RAP2B: variants seen among roughly 807,000 people sequenced by gnomAD.
RAP2B encodes the protein RAP2B, member of RAS oncogene family, also known as ras-related protein Rap-2b.
Under a neutral mutation model 14.4 loss-of-function variants are expected in RAP2B, and 6 were observed. The ratio of observed to expected loss-of-function variants is 0.42; its 90% CI spans 0.23 to 0.82. RAP2B has a LOEUF of 0.82. Among genes scored for constraint, RAP2B ranks in the 40% least tolerant of loss-of-function variants. The probability of loss-of-function intolerance (pLI) is 0.30; values close to 1 mark genes in which losing one functional copy is unlikely to be tolerated. For missense variants in RAP2B, 137 were observed against 248.2 expected, an observed-to-expected ratio of 0.55 and a Z score of 3.01; for synonymous variants, 118 against 113.2, an observed-to-expected ratio of 1.04 and a Z score of -0.27.
In RAP2B at chr3:153,170,531, T is replaced by C. The variant is rs543359369; in HGVS notation, c.*7286T>C. On this transcript the variant is annotated 3_prime_UTR_variant, in exon 1 of 1. Transcript: ENST00000323534. ...GTCATCAGTTATAATACTGTGGGGC[T>C]GTTTGGCAGACAATAGAGTAGATAA... 2 of 152,216 alleles carry C rather than the reference T, an allele frequency of 1.3e-5. No homozygotes were observed. The highest frequency in any genetic ancestry group is 2.9e-5 in the Non-Finnish European group (2 of 68,034). 9.4% of individuals were successfully genotyped at this position (152,216 alleles called of 1,614,324 possible).
At position 153,162,680 on chromosome 3, in the gene RAP2B, G is replaced by T. The variant is rs747328533; in HGVS notation, c.-14G>T. 2.5e-6 allele frequency: 4 copies of T among 1,582,920 alleles called. No homozygotes were observed. The highest frequency in any genetic ancestry group is 1.7e-6 in the Non-Finnish European group (2 of 1,162,236). ...CGGGGCCGCGGCAGGCGCGGCGAGA[G>T]CGCTGACGGAGCCATGAGAGAGTAC... On this transcript the variant is annotated 5_prime_UTR_variant, in exon 1 of 1. Coordinates refer to ENST00000323534, the MANE Select transcript of RAP2B (RefSeq NM_002886.4). The surrounding 1 kb of genome is among the most constrained non-coding windows in gnomAD (Gnocchi z 4.9).
Position 153,169,245 on chromosome 3 carries a change from C to G in RAP2B, c.*6000C>G, listed in dbSNP as rs538720735. The G allele has an allele frequency of 3.3e-5, 5 of 151,384 alleles. No homozygotes were observed. The highest frequency in any genetic ancestry group is 1.2e-4 in the African/African-American group (5 of 41,142). 9.4% of individuals were successfully genotyped at this position (151,384 alleles called of 1,614,324 possible). ...CGATCTCGGCTCACTGCAACTTCCG[C>G]TTCCTGGGTTCAAGCAATTCTCCTG... On this transcript the variant is annotated 3_prime_UTR_variant, in exon 1 of 1. Coordinates refer to ENST00000323534, the MANE Select transcript of RAP2B (RefSeq NM_002886.4).
chr3:153,162,662 G>C lies in RAP2B; in HGVS notation c.-32G>C. 6.4e-7 allele frequency: 1 copy of C among 1,562,700 alleles called. No homozygotes were observed. The highest frequency in any genetic ancestry group is 8.7e-7 in the Non-Finnish European group (1 of 1,155,482). Reference sequence around the variant, plus strand: ...CCCGGCGCGCAGCCCCGACGGGGCCGCGGCAGGCGCGGCGAGAGCGCTGAC... The same window carrying C: ...CCCGGCGCGCAGCCCCGACGGGGCCCCGGCAGGCGCGGCGAGAGCGCTGAC... On this transcript the variant is annotated 5_prime_UTR_variant, in exon 1 of 1. Coordinates refer to ENST00000323534, the MANE Select transcript of RAP2B (RefSeq NM_002886.4). The surrounding 1 kb of genome is among the most constrained non-coding windows in gnomAD (Gnocchi z 4.9).
In RAP2B at chr3:153,165,243, T is replaced by A. The variant is rs913184270; in HGVS notation, c.*1998T>A. ...ATTGTAGACACTGCCTCAACCCTTTTGAGGTTTTGATTTGGAAATAGATTT... is the reference window on the plus strand; with the variant it reads ...ATTGTAGACACTGCCTCAACCCTTTAGAGGTTTTGATTTGGAAATAGATTT... On this transcript the variant is annotated 3_prime_UTR_variant, in exon 1 of 1. Coordinates refer to ENST00000323534, the MANE Select transcript of RAP2B (RefSeq NM_002886.4). The A allele has an allele frequency of 6.0e-6, 1 of 167,120 alleles. No individual in the cohort carries two copies. The highest frequency in any genetic ancestry group is 1.5e-5 in the Non-Finnish European group (1 of 68,124). 10.4% of individuals were successfully genotyped at this position (167,120 alleles called of 1,614,324 possible).
rs1713679912 is a variant in RAP2B at position 153,169,743 on chromosome 3, G to A, written c.*6498G>A. The A allele has an allele frequency of 6.6e-6, 1 of 151,704 alleles. No homozygotes were observed. Among genetic ancestry groups the A allele is most frequent in the African/African-American group, 2.4e-5 (1 of 41,170 alleles). The allele number at this position is 151,704 out of a possible 1,614,324, so 9.4% of individuals were successfully genotyped here. A position where few individuals can be genotyped will look rare whatever the true frequency, so the allele number is the denominator to read the frequency against. ...CAGGCGTGAGCCACTGCACCCGGCTGAGATGATAATTTTATTTAAAAAAAA... is the reference window on the plus strand; with the variant it reads ...CAGGCGTGAGCCACTGCACCCGGCTAAGATGATAATTTTATTTAAAAAAAA... On this transcript the variant is annotated 3_prime_UTR_variant, in exon 1 of 1. Coordinates refer to ENST00000323534, the MANE Select transcript of RAP2B (RefSeq NM_002886.4).
In RAP2B at chr3:153,163,635, GTTTTTTTTTTTTTTTTTCTATTTTCTTTC is replaced by G. The variant is rs1400529108; in HGVS notation, c.*408_*436del. On this transcript the variant is annotated 3_prime_UTR_variant, in exon 1 of 1. Coordinates refer to ENST00000323534, the MANE Select transcript of RAP2B (RefSeq NM_002886.4). ...AAAGGAGGGAGAGAAGGTGGAAATGGTTTTTTTTTTTTTTTTTCTATTTTCTTTCTTTTTTTTTTTTTTTTTTTTTGGTC... is the reference window on the plus strand; with the variant it reads ...AAAGGAGGGAGAGAAGGTGGAAATGGTTTTTTTTTTTTTTTTTTTTTGGTC... The G allele has an allele frequency of 9.6e-6, 1 of 103,670 alleles. No homozygotes were observed. The highest frequency in any genetic ancestry group is 3.1e-4 in the East Asian group (1 of 3,180). The allele number at this position is 103,670 out of a possible 1,614,324, so 6.4% of individuals were successfully genotyped here.
Position 153,168,180 on chromosome 3 carries a change from G to A in RAP2B, c.*4935G>A, listed in dbSNP as rs1056489704. ...CCCTCAGAAGGTCCCAGAACTTTAT[G>A]TTAAAGATCTGGGTTTTTAAAGACA... On this transcript the variant is annotated 3_prime_UTR_variant, in exon 1 of 1. Transcript: ENST00000323534. 6.0e-6 allele frequency: 1 copy of A among 166,924 alleles called. No individual in the cohort carries two copies. The highest frequency in any genetic ancestry group is 1.5e-5 in the Non-Finnish European group (1 of 68,100). The allele number at this position is 166,924 out of a possible 1,614,324, so 10.3% of individuals were successfully genotyped here. A position where few individuals can be genotyped will look rare whatever the true frequency, so the allele number is the denominator to read the frequency against.
rs552324093 is a variant in RAP2B at position 153,162,538 on chromosome 3, G to A, written c.-156G>A. 29 of 901,574 alleles carry A rather than the reference G, an allele frequency of 3.2e-5. No homozygotes were observed. Among genetic ancestry groups the A allele is most frequent in the Middle Eastern group, 7.1e-4 (2 of 2,808 alleles). The allele number at this position is 901,574 out of a possible 1,614,324, so 55.8% of individuals were successfully genotyped here. ...CCGGCCCGGCGCCCGGCCTCCGTTC[G>A]GTGGTTTCCGCCCTGCGTTCTCTGG... is the stretch of plus-strand genomic sequence containing the variant. On this transcript the variant is annotated 5_prime_UTR_variant, in exon 1 of 1. Coordinates refer to ENST00000323534, the MANE Select transcript of RAP2B (RefSeq NM_002886.4). The surrounding 1 kb of genome is among the most constrained non-coding windows in gnomAD (Gnocchi z 4.9).
chr3:153,166,637 TATC>T lies in RAP2B; in HGVS notation c.*3396_*3398del, dbSNP rs1391914870. The T allele has an allele frequency of 2.4e-5, 4 of 167,082 alleles. No homozygotes were observed. Among genetic ancestry groups the T allele is most frequent in the East Asian group, 1.9e-4 (1 of 5,204 alleles). The allele number at this position is 167,082 out of a possible 1,614,324, so 10.3% of individuals were successfully genotyped here. A position where few individuals can be genotyped will look rare whatever the true frequency, so the allele number is the denominator to read the frequency against. On this transcript the variant is annotated 3_prime_UTR_variant, in exon 1 of 1. Transcript: ENST00000323534. ...TTAATAGCTTCAGGAAAGTTAAAGG[TATC>T]ATCTTAGGTCTAACACTCTAGTCTT... is the stretch of plus-strand genomic sequence containing the variant.
chr3:153,163,354 C>A lies in RAP2B; in HGVS notation c.*109C>A, dbSNP rs1474024868. On this transcript the variant is annotated 3_prime_UTR_variant, in exon 1 of 1. Transcript: ENST00000323534. Reference sequence around the variant, plus strand: ...AGATTGGAGACCACTTTGCATTGGCCAGGGTGTCTTGGGAGCCCGGCTGGC... The same window carrying A: ...AGATTGGAGACCACTTTGCATTGGCAAGGGTGTCTTGGGAGCCCGGCTGGC... 3 of 1,420,498 alleles carry A rather than the reference C, an allele frequency of 2.1e-6. No homozygotes were observed. In the African/African-American group the frequency reaches 4.4e-5, roughly 21 times the overall value. 88.0% of individuals were successfully genotyped at this position (1,420,498 alleles called of 1,614,324 possible). A position where few individuals can be genotyped will look rare whatever the true frequency, so the allele number is the denominator to read the frequency against.
rs977879395 is a variant in RAP2B, at chr3:153,162,753, C to G, written c.60C>G (p.Thr20=). The G allele has an allele frequency of 4.3e-6, 7 of 1,614,010 alleles. No individual in the cohort carries two copies. Among genetic ancestry groups the G allele is most frequent in the Non-Finnish European group, 5.9e-6 (7 of 1,180,014 alleles). Residue 20 remains threonine (T), a synonymous_variant, in exon 1 of 1, where the codon ACC becomes ACG. Coordinates refer to ENST00000323534, the MANE Select transcript of RAP2B (RefSeq NM_002886.4). The surrounding 1 kb of genome is among the most constrained non-coding windows in gnomAD (Gnocchi z 4.9). ...GSGGVGKSAL[T]VQFVTGSFIE... ...GCGGCGTGGGCAAGTCCGCGCTCAC[C>G]GTGCAGTTCGTGACGGGCTCCTTCA...
rs1029270955 is a variant in RAP2B, at chr3:153,162,324, A to G, written c.-370A>G. On this transcript the variant is annotated 5_prime_UTR_variant, in exon 1 of 1. Transcript: ENST00000323534. The surrounding 1 kb of genome is among the most constrained non-coding windows in gnomAD (Gnocchi z 4.9). Reference sequence around the variant, plus strand: ...CGTCCCGGCCCGACGCGCAATTAGCAGCCACCTCCGCAGCCCGCCGCCACC... The same window carrying G: ...CGTCCCGGCCCGACGCGCAATTAGCGGCCACCTCCGCAGCCCGCCGCCACC... 6.2e-6 allele frequency: 1 copy of G among 161,920 alleles called. No individual in the cohort carries two copies. Among genetic ancestry groups the G allele is most frequent in the Non-Finnish European group, 1.3e-5 (1 of 75,236 alleles). 10.0% of individuals were successfully genotyped at this position (161,920 alleles called of 1,614,324 possible). A position where few individuals can be genotyped will look rare whatever the true frequency, so the allele number is the denominator to read the frequency against.
chr3:153,165,665 A>G lies in RAP2B; in HGVS notation c.*2420A>G, dbSNP rs532868218. 4 of 166,866 alleles carry G rather than the reference A, an allele frequency of 2.4e-5. No homozygotes were observed. In the East Asian group the frequency reaches 5.8e-4, roughly 24 times the overall value. The allele number at this position is 166,866 out of a possible 1,614,324, so 10.3% of individuals were successfully genotyped here. On this transcript the variant is annotated 3_prime_UTR_variant, in exon 1 of 1. Coordinates refer to ENST00000323534, the MANE Select transcript of RAP2B (RefSeq NM_002886.4). ...TCCAGCAATGGAGGAAGAATAGAGA[A>G]TTTTGCCTGGCAATGGTCCTACTGC...
chr3:153,162,628 C>T lies in RAP2B; in HGVS notation c.-66C>T. ...GGGAAGAGAAGTCCAGCCGCCAAGC[C>T]CAGCCTTCCCCGGCGCGCAGCCCCG... On this transcript the variant is annotated 5_prime_UTR_variant, in exon 1 of 1. Coordinates refer to ENST00000323534, the MANE Select transcript of RAP2B (RefSeq NM_002886.4). This position sits in a 1 kb window ranked among gnomAD's most constrained non-coding sequence, Gnocchi z 4.9. 3 of 1,503,790 alleles carry T rather than the reference C, an allele frequency of 2.0e-6. No individual in the cohort carries two copies. The highest frequency in any genetic ancestry group is 1.4e-5 in the African/African-American group (1 of 71,838). The allele number at this position is 1,503,790 out of a possible 1,614,324, so 93.2% of individuals were successfully genotyped here. A position where few individuals can be genotyped will look rare whatever the true frequency, so the allele number is the denominator to read the frequency against.
rs1485929151 is a variant in RAP2B at position 153,165,380 on chromosome 3, T to A, written c.*2135T>A. 1 of 166,870 alleles carries A rather than the reference T, an allele frequency of 6.0e-6. No homozygotes were observed. Among genetic ancestry groups the A allele is most frequent in the Non-Finnish European group, 1.5e-5 (1 of 68,108 alleles). The allele number at this position is 166,870 out of a possible 1,614,324, so 10.3% of individuals were successfully genotyped here. ...AACAGTAGGAGGCAGTGTGAGCTTTTTATTTTTTATTTTTCTTAAGGTGGT... is the reference window on the plus strand; with the variant it reads ...AACAGTAGGAGGCAGTGTGAGCTTTATATTTTTTATTTTTCTTAAGGTGGT... On this transcript the variant is annotated 3_prime_UTR_variant, in exon 1 of 1. Transcript: ENST00000323534.
chr3:153,163,146 C>T lies in RAP2B; in HGVS notation c.453C>T (p.Ala151=), dbSNP rs138892831. 2.4e-5 allele frequency: 38 copies of T among 1,612,298 alleles called. No homozygotes were observed. The highest frequency in any genetic ancestry group is 3.1e-5 in the Non-Finnish European group (36 of 1,179,664). ...PFMETSAKNK[A]SVDELFAEIV... ...TGGAGACGTCGGCCAAAAACAAAGC[C>T]TCGGTAGACGAGCTATTTGCCGAGA... Residue 151 remains alanine, a synonymous_variant, in exon 1 of 1, where the codon GCC becomes GCT. Transcript: ENST00000323534.
In RAP2B at chr3:153,169,043, G is replaced by A. The variant is rs560015980; in HGVS notation, c.*5798G>A. 5.3e-5 allele frequency: 8 copies of A among 152,236 alleles called. No individual in the cohort carries two copies. The highest frequency in any genetic ancestry group is 5.2e-4 in the Admixed American group (8 of 15,296). 9.4% of individuals were successfully genotyped at this position (152,236 alleles called of 1,614,324 possible). ...ATATTTTAAAAGTGTCCTATACTAT[G>A]AATTTATTTGCCATATATAAGACAA... On this transcript the variant is annotated 3_prime_UTR_variant, in exon 1 of 1. Transcript: ENST00000323534.
Position 153,163,227 on chromosome 3 carries a change from G to C in RAP2B, c.534G>C (p.Ser178=), listed in dbSNP as rs561183810. 42 of 1,571,096 alleles carry C rather than the reference G, an allele frequency of 2.7e-5. No homozygotes were observed. In the East Asian group the frequency reaches 4.0e-4, roughly 15 times the overall value. Residue 178 remains serine, a synonymous_variant, in exon 1 of 1, where the codon TCG becomes TCC. Transcript: ENST00000323534. ...CCAACGGCGATGAGGGCTGCTGCTC[G>C]GCCTGCGTGATCCTCTGAGGCGGCC... ...AQPNGDEGCC[S]ACVIL
Position 153,166,627 on chromosome 3 carries a change from A to C in RAP2B, c.*3382A>C, listed in dbSNP as rs1438496555. 1 of 167,176 alleles carries C rather than the reference A, an allele frequency of 6.0e-6. No individual in the cohort carries two copies. The highest frequency in any genetic ancestry group is 6.5e-5 in the Admixed American group (1 of 15,306). The allele number at this position is 167,176 out of a possible 1,614,324, so 10.4% of individuals were successfully genotyped here. ...TCCTCCTTTTTTAATAGCTTCAGGA[A>C]AGTTAAAGGTATCATCTTAGGTCTA... On this transcript the variant is annotated 3_prime_UTR_variant, in exon 1 of 1. Transcript: ENST00000323534.
Sources: gnomAD v4.1 joint callset for allele counts on GRCh38, gnomAD v4.1.1 for gene constraint, Gnocchi (gnomAD v3.1) non-coding constraint, MANE v1.5 for transcripts, NCBI Gene and HGNC (gene_info 2026-07-23, HGNC 2026-07-21) for gene names.